Variants in SYNGR1 observed in about 807,000 individuals in gnomAD.
SYNGR1 encodes the protein synaptogyrin 1.
A neutral mutation model predicts 26.1 loss-of-function variants in SYNGR1; 14 were observed. The ratio of observed to expected loss-of-function variants is 0.54; its 90% confidence interval spans 0.35 to 0.84. The LOEUF (loss-of-function observed/expected upper bound fraction) is 0.84. SYNGR1 is among the 40% of genes least tolerant of loss of function. SYNGR1 has a pLI of 0.01. For synonymous variants in SYNGR1, 141 were observed against 150.1 expected (o/e 0.94, Z 0.44); for missense variants, 319 against 332.9 (o/e 0.96, Z 0.33).
At chr22:39,380,568 T>C (rs1299329538) in intron 3 of SYNGR1, among the ~76,000 whole-genome samples, 1 of 149,928 alleles carries the variant, frequency 6.7e-6, no homozygotes, top group Non-Finnish European at 1.5e-5. Context: ...TTGGTTTTTG[T>C]GGATTTTTTT....
chr22:39,358,509 G>A (rs1389363358), intron 1 of SYNGR1, among the ~76,000 whole-genome samples: 1 of 152,182 alleles, frequency 6.6e-6, no homozygotes, highest in East Asian at 1.9e-4. Flanking sequence ...AAGGTCTGCA[G>A]CTTCATTCCT....
At chr22:39,354,511 C>G (rs1924059477) in intron 1 of SYNGR1, among the ~76,000 whole-genome samples, 1 of 152,048 alleles carries the variant, frequency 6.6e-6, no homozygotes, top group African/African-American at 2.4e-5. Flanking sequence ...CCCCTCCACT[C>G]CACCCCCCAT....
In SYNGR1 at chr22:39,381,778, G is replaced by A; in HGVS notation, c.566G>A (p.Ser189Asn). The change falls in exon 4 of 4, where the codon AGC becomes AAC. Residue 189 changes from serine to asparagine, a missense_variant. Ser to Asn is a conservative substitution (Grantham distance 46, BLOSUM62 1). Transcript: ENST00000328933. Reference protein sequence around the residue: ...ALFSQDYMDPSQDSSMPYAPY... With the variant: ...ALFSQDYMDPNQDSSMPYAPY... ...TTCTCCCAGGACTACATGGACCCCA[G>A]CCAGGACTCCAGCATGCCTTACGCG... is the stretch of plus-strand genomic sequence containing the variant. 2 of 1,612,984 alleles carry A rather than the reference G, an allele frequency of 1.2e-6. No individual in the cohort carries two copies. Among genetic ancestry groups the A allele is most frequent in the Non-Finnish European group, 8.5e-7 (1 of 1,179,944 alleles).
In SYNGR1 at chr22:39,360,195, C is replaced by T. The variant is rs372577079; in HGVS notation, c.99+10086C>T. ...CAGCCTCGTGAGCCTGTTCCTCTCA[C>T]CTACTCAAGGACACACGTCCATCAG... On this transcript the variant is annotated intron_variant, in intron 1 of 3. Coordinates refer to ENST00000328933, the MANE Select transcript of SYNGR1 (RefSeq NM_004711.5). Among the ~76,000 whole-genome samples, 3 of 152,318 alleles carry T rather than the reference C, an allele frequency of 2.0e-5. 1 individual carries two copies.
At chr22:39,381,586 C>T in intron 3 of SYNGR1, 110 bp from the exon 4 acceptor site, 2 of 1,118,070 alleles carry the variant, frequency 1.8e-6, no homozygotes, top group Non-Finnish European at 2.7e-6. Context: ...CTTTAACCCT[C>T]TCCTGCCTGT....
intron 1 of SYNGR1, 39 bp from the exon 2 acceptor site, chr22:39,374,277 G>C: frequency 6.3e-7 from 1 of 1,598,900 alleles, no homozygotes; most frequent in Non-Finnish European, 8.6e-7. Context: ...GTGAGGCAGG[G>C]GTCTGCCCAG....
chr22:39,354,052 C>T (rs1456032447), intron 1 of SYNGR1, among the ~76,000 whole-genome samples: 5 of 151,958 alleles, frequency 3.3e-5, no homozygotes, highest in Admixed American at 6.6e-5. Context: ...TTAGTAGAGA[C>T]GGGGTTTCAC....
At chr22:39,367,108 C>G (rs1012432120) in intron 1 of SYNGR1, among the ~76,000 whole-genome samples, 1 of 152,220 alleles carries the variant, frequency 6.6e-6, no homozygotes, top group Non-Finnish European at 1.5e-5. Flanking sequence ...GCCCCCAGTC[C>G]GCCTCCTCTT....
At chr22:39,380,410 T>G (rs1925459008) in intron 3 of SYNGR1, among the ~76,000 whole-genome samples, 1 of 152,000 alleles carries the variant, frequency 6.6e-6, no homozygotes, top group South Asian at 2.1e-4. Context: ...CAGGCATCTT[T>G]CCTTTTTTTT....
At chr22:39,366,677 C>G (rs1285163554) in intron 1 of SYNGR1, among the ~76,000 whole-genome samples, 1 of 152,128 alleles carries the variant, frequency 6.6e-6, no homozygotes, top group Non-Finnish European at 1.5e-5. Context: ...GCACCCACCA[C>G]TTCTCCCCAT....
intron 3 of SYNGR1, chr22:39,378,189 C>T (rs939905949): frequency 3.6e-6 from 4 of 1,107,508 alleles, no homozygotes; most frequent in Non-Finnish European, 4.4e-6. Flanking sequence ...TCACAGGGCT[C>T]CTGGTCTGGC....
chr22:39,364,085 GTGGTC>G (rs1924618712), intron 1 of SYNGR1: 1 of 1,578,354 alleles, frequency 6.3e-7, no homozygotes, highest in Non-Finnish European at 8.6e-7. Flanking sequence ...CACACCCTGG[GTGGTC>G]TGTCTGCAGA....
chr22:39,351,403 G>A (rs1385876283), intron 1 of SYNGR1, among the ~76,000 whole-genome samples: 1 of 152,232 alleles, frequency 6.6e-6, no homozygotes, highest in Non-Finnish European at 1.5e-5. Flanking sequence ...AGCTGTTTGA[G>A]GGCAGGAAAG....
At chr22:39,367,251 A>C (rs1569179222) in intron 1 of SYNGR1, among the ~76,000 whole-genome samples, 2 of 152,224 alleles carry the variant, frequency 1.3e-5, no homozygotes, top group Non-Finnish European at 2.9e-5. Context: ...TGTTGAGTGA[A>C]CGAACGGCTG....
At chr22:39,368,106 C>T (rs915039623) in intron 1 of SYNGR1, among the ~76,000 whole-genome samples, 5 of 152,196 alleles carry the variant, frequency 3.3e-5, no homozygotes, top group Non-Finnish European at 5.9e-5. Context: ...CTGGCGTTTG[C>T]CAGGGACCGC....
intron 3 of SYNGR1, chr22:39,376,951 T>C (rs962872693): frequency 6.5e-7 from 1 of 1,547,496 alleles, no homozygotes; most frequent in African/African-American, 1.4e-5. Context: ...GCAGCTCGGC[T>C]GGCCCCTCTT....
intron 3 of SYNGR1, chr22:39,377,840 T>C: frequency 1.3e-6 from 2 of 1,514,188 alleles, no homozygotes; most frequent in Non-Finnish European, 1.8e-6. Context: ...CTCCACTGAC[T>C]CATTCATTCC....
At chr22:39,365,469 G>A (rs1924696114) in intron 1 of SYNGR1, among the ~76,000 whole-genome samples, 1 of 152,036 alleles carries the variant, frequency 6.6e-6, no homozygotes, top group Non-Finnish European at 1.5e-5. Flanking sequence ...TACATTTCTG[G>A]GCACACAGCA....
Position 39,385,030 on chromosome 22 carries a change from C to T in SYNGR1, c.*3116C>T. ...GACGTTAGTTCCCTACTCCATCCTTCCCTGGTGATTCTTGATCTTCAAAGC... is the reference window on the plus strand; with the variant it reads ...GACGTTAGTTCCCTACTCCATCCTTTCCTGGTGATTCTTGATCTTCAAAGC... On this transcript the variant is annotated 3_prime_UTR_variant, in exon 4 of 4. Transcript: ENST00000328933. The T allele has an allele frequency of 2.5e-6, 1 of 398,872 alleles. No individual in the cohort carries two copies. Among genetic ancestry groups the T allele is most frequent in the Non-Finnish European group, 4.4e-6 (1 of 226,104 alleles). 24.7% of individuals were successfully genotyped at this position (398,872 alleles called of 1,614,324 possible). A position where few individuals can be genotyped will look rare whatever the true frequency, so the allele number is the denominator to read the frequency against.
Sources: gnomAD v4.1 joint callset for allele counts (sites outside exome capture counted in the v4.1 genomes callset) on GRCh38, gnomAD v4.1.1 for gene constraint, MANE v1.5 for transcripts, NCBI Gene and HGNC (gene_info 2026-07-23, HGNC 2026-07-21) for gene names.